The following CTNNA2 variants were observed in gnomAD, a reference collection of about 807,000 sequenced individuals.
CTNNA2 encodes the protein catenin alpha 2.
Under a neutral mutation model 101.0 loss-of-function variants are expected in CTNNA2, and 42 were observed. That is an observed-to-expected ratio of 0.42 (90% CI 0.32 to 0.54). The LOEUF (loss-of-function observed/expected upper bound fraction) is 0.54, where lower values mean the gene tolerates loss of function less well. Ranked by LOEUF, CTNNA2 falls within the 20% of genes least tolerant of loss-of-function variation. The probability of loss-of-function intolerance (pLI) is 0.14; values close to 1 mark genes in which losing one functional copy is unlikely to be tolerated. For synonymous variants in CTNNA2, 450 were observed against 456.4 expected, an observed-to-expected ratio of 0.99 and a Z score of 0.18; for missense variants, 871 against 1,223.1, an observed-to-expected ratio of 0.71 and a Z score of 4.29.
intron 7 of CTNNA2, among the ~76,000 whole-genome samples, chr2:80,183,639 C>T (rs188418794): frequency 6.6e-6 from 1 of 152,266 alleles, no homozygotes; most frequent in Admixed American, 6.5e-5. Flanking sequence ...TTGCTCACTG[C>T]AGCCGGATGT....
chr2:80,577,510 G>C (rs1037442395), intron 13 of CTNNA2, among the ~76,000 whole-genome samples: 1 of 152,100 alleles, frequency 6.6e-6, no homozygotes, highest in Non-Finnish European at 1.5e-5. Context: ...GGAGGGTTCT[G>C]AGCAGGGGAA....
chr2:80,646,694 G>A (rs1674130465), intron 18 of CTNNA2, among the ~76,000 whole-genome samples: 1 of 151,770 alleles, frequency 6.6e-6, no homozygotes, highest in African/African-American at 2.4e-5. Context: ...ACAGAAAAAA[G>A]GTAACCCAAA....
intron 7 of CTNNA2, among the ~76,000 whole-genome samples, chr2:80,204,530 A>T (rs1317112290): frequency 6.6e-6 from 1 of 152,126 alleles, no homozygotes; most frequent in African/African-American, 2.4e-5. Context: ...GTTCCCAATA[A>T]GTTCCTTATC....
intron 7 of CTNNA2, among the ~76,000 whole-genome samples, chr2:79,951,555 C>T (rs1688881524): frequency 6.6e-6 from 1 of 152,006 alleles, no homozygotes. Context: ...ATCCCAGCTA[C>T]ATGGGAAACG....
At chr2:79,368,658 A>G (rs766941971) in intron 3 of CTNNA2, among the ~76,000 whole-genome samples, 36 of 152,172 alleles carry the variant, frequency 2.4e-4, no homozygotes, top group South Asian at 4.1e-4. Flanking sequence ...TGACAGGCTT[A>G]TTAGAGTGGG....
intron 7 of CTNNA2, among the ~76,000 whole-genome samples, chr2:80,276,300 G>T (rs922764226): frequency 6.6e-6 from 1 of 152,104 alleles, no homozygotes; most frequent in African/African-American, 2.4e-5. Context: ...CCCCACTTCA[G>T]ATGCCAGACA....
chr2:79,242,993 T>TATATACACACAC (rs1306982182), intron 2 of CTNNA2, among the ~76,000 whole-genome samples: 13 of 116,724 alleles, frequency 1.1e-4, no homozygotes, highest in Admixed American at 2.7e-4. Context: ...TATATATATA[T>TATATACACACAC]ACACACACAC....
At chr2:79,705,347 A>T (rs1056178256) in intron 2 of CTNNA2, among the ~76,000 whole-genome samples, 10 of 152,150 alleles carry the variant, frequency 6.6e-5, no homozygotes, top group Non-Finnish European at 5.9e-5. Context: ...CATAATTTTT[A>T]TTACAGTTTA....
intron 7 of CTNNA2, among the ~76,000 whole-genome samples, chr2:79,991,726 G>T (rs1692194374): frequency 6.6e-6 from 1 of 152,096 alleles, no homozygotes; most frequent in African/African-American, 2.4e-5. Context: ...GAGATGCACT[G>T]GTGGCCTCCA....
At chr2:80,332,033 G>C (rs1440068531) in intron 7 of CTNNA2, among the ~76,000 whole-genome samples, 1 of 152,028 alleles carries the variant, frequency 6.6e-6, no homozygotes, top group East Asian at 1.9e-4. Context: ...GAGTCCTCTT[G>C]GCAGAACACA....
intron 15 of CTNNA2, among the ~76,000 whole-genome samples, chr2:80,591,577 A>AT (rs1354913873): frequency 6.7e-6 from 1 of 148,594 alleles, no homozygotes; most frequent in African/African-American, 2.5e-5. Flanking sequence ...CCACTTGCAT[A>AT]TTCCACTTCA....
chr2:79,795,244 T>G (rs1675606317), intron 3 of CTNNA2, among the ~76,000 whole-genome samples: 2 of 152,190 alleles, frequency 1.3e-5, no homozygotes, highest in Non-Finnish European at 2.9e-5. Flanking sequence ...CATTGACTTT[T>G]CTTGCCTTCA....
chr2:80,527,021 A>G (rs958599574), intron 9 of CTNNA2, among the ~76,000 whole-genome samples: 2 of 152,202 alleles, frequency 1.3e-5, no homozygotes, highest in African/African-American at 4.8e-5. Flanking sequence ...AGGGGAAAAA[A>G]TTTGAGCACT....
chr2:80,365,858 T>A (rs1356727029), intron 7 of CTNNA2, among the ~76,000 whole-genome samples: 1 of 152,184 alleles, frequency 6.6e-6, no homozygotes. Context: ...TAATTAAGAC[T>A]TTCAATGAAT....
chr2:80,188,876 G>T (rs1706291971), intron 7 of CTNNA2, among the ~76,000 whole-genome samples: 1 of 151,970 alleles, frequency 6.6e-6, no homozygotes, highest in South Asian at 2.1e-4. Context: ...ATCTTTGGGG[G>T]AGTGCCTACC....
intron 3 of CTNNA2, among the ~76,000 whole-genome samples, chr2:79,756,538 C>T (rs1672413036): frequency 1.3e-5 from 2 of 151,782 alleles, no homozygotes; most frequent in African/African-American, 2.4e-5. Flanking sequence ...AATGAAACAA[C>T]CAAAAGCATG....
intron 7 of CTNNA2, among the ~76,000 whole-genome samples, chr2:80,385,324 T>G (rs1365853260): frequency 2.0e-5 from 3 of 150,414 alleles, no homozygotes; most frequent in Non-Finnish European, 1.5e-5. Context: ...ATGGGATAAG[T>G]GCCCTTATAA....
intron 3 of CTNNA2, among the ~76,000 whole-genome samples, chr2:79,772,379 C>A (rs916950437): frequency 6.6e-6 from 1 of 152,152 alleles, no homozygotes; most frequent in African/African-American, 2.4e-5. Flanking sequence ...TATGGTAGGT[C>A]TCTTTAATAA....
intron 2 of CTNNA2, among the ~76,000 whole-genome samples, chr2:79,703,505 T>C (rs1287225708): frequency 6.6e-6 from 1 of 152,216 alleles, no homozygotes; most frequent in African/African-American, 2.4e-5. Flanking sequence ...AAAGTTAATG[T>C]GGGTGCCAAT....
Sources: gnomAD v4.1 joint callset for allele counts (sites outside exome capture counted in the v4.1 genomes callset) on GRCh38, gnomAD v4.1.1 for gene constraint, MANE v1.5 for transcripts, NCBI Gene and HGNC (gene_info 2026-07-23, HGNC 2026-07-21) for gene names.